The following PPM1A variants were observed in gnomAD, a reference collection of about 807,000 sequenced individuals.
The protein encoded by PPM1A is protein phosphatase, Mg2+/Mn2+ dependent 1A.
PPM1A carries 7 observed loss-of-function variants against 35.0 expected under a neutral mutation model. That is an observed-to-expected ratio of 0.20 (90% CI 0.11 to 0.38). The LOEUF (loss-of-function observed/expected upper bound fraction) is 0.38, where lower values mean the gene tolerates loss of function less well. PPM1A is among the 10% of genes least tolerant of loss of function. The pLI is 1.00. For missense variants in PPM1A, 239 were observed against 467.8 expected, an observed-to-expected ratio of 0.51 and a Z score of 4.51; for synonymous variants, 153 against 167.3, an observed-to-expected ratio of 0.91 and a Z score of 0.66.
At chr14:60,258,036 A>T (rs1883337465) in intron 1 of PPM1A, among the ~76,000 whole-genome samples, 1 of 152,094 alleles carries the variant, frequency 6.6e-6, no homozygotes. Context: ...TTTTGTGACC[A>T]ACCCACAGCT....
chr14:60,262,520 C>T (rs974593076), intron 1 of PPM1A, among the ~76,000 whole-genome samples: 1 of 152,026 alleles, frequency 6.6e-6, no homozygotes, highest in African/African-American at 2.4e-5. Flanking sequence ...CTTGTCTCTA[C>T]AAAAAAATTT....
upstream of PPM1A, among the ~76,000 whole-genome samples, chr14:60,247,520 C>T (rs1013110376): frequency 1.3e-5 from 2 of 150,176 alleles, no homozygotes; most frequent in Non-Finnish European, 3.0e-5. Context: ...GTCCCAGCTA[C>T]TCGGGAGGCT....
rs1392455266 is a variant in PPM1A, at chr14:60,289,583, A to G, written c.953-223A>G. 6.6e-6 allele frequency among the ~76,000 whole-genome samples: 1 copy of G among 151,894 alleles called. No individual in the cohort carries two copies. Among genetic ancestry groups the G allele is most frequent in the African/African-American group, 2.4e-5 (1 of 41,350 alleles). On this transcript the variant is annotated intron_variant, in intron 3 of 5. Transcript: ENST00000395076. This position sits in a 1 kb window ranked among gnomAD's most constrained non-coding sequence, Gnocchi z 4.1. ...GATTTAACATGAAATATTTTTTCAC[A>G]TTTTAATTTTGATTTGAAGTTAATC...
rs17097280 is a variant in PPM1A at position 60,283,999 on chromosome 14, A to T, written c.834+462A>T. 6.6e-6 allele frequency among the ~76,000 whole-genome samples: 1 copy of T among 152,226 alleles called. No individual in the cohort carries two copies. The highest frequency in any genetic ancestry group is 2.1e-4 in the South Asian group (1 of 4,830). The stretch of plus-strand genomic sequence containing the variant: ...AGGAATGTAGTGATCATTAGACGTG[A>T]TGTAATAGAAATAGCCTTGTACATG... On this transcript the variant is annotated intron_variant, in intron 2 of 5. Transcript: ENST00000395076. This position sits in a 1 kb window ranked among gnomAD's most constrained non-coding sequence, Gnocchi z 6.3.
upstream of PPM1A, chr14:60,246,037 T>A (rs368341783): frequency 2.6e-4 from 417 of 1,577,662 alleles, 1 homozygote; most frequent in Non-Finnish European, 3.5e-4. Flanking sequence ...GAGAAAAAAA[T>A]ATGAAACAGG....
intron 1 of PPM1A, among the ~76,000 whole-genome samples, chr14:60,272,690 CAAAAAAAAAAAAAA>C (rs34892158): frequency 1.0e-4 from 7 of 68,598 alleles, no homozygotes; most frequent in African/African-American, 2.7e-4. Flanking sequence ...GACTCTGTCT[CAAAAAAAAAAAAAA>C]AAAAAAAAAA....
intron 3 of PPM1A, chr14:60,287,685 C>T (rs1461026879): frequency 4.1e-6 from 4 of 985,182 alleles, no homozygotes; most frequent in East Asian, 2.3e-4. Context: ...AAAGGCCTTC[C>T]AGCTCTCCTT....
chr14:60,265,068 CTCT>C (rs1406630140), intron 1 of PPM1A, among the ~76,000 whole-genome samples: 1 of 152,036 alleles, frequency 6.6e-6, no homozygotes, highest in Non-Finnish European at 1.5e-5. Context: ...TTCTTTTTCA[CTCT>C]TCTTATCCAG....
At chr14:60,272,145 T>G (rs1211571990) in intron 1 of PPM1A, among the ~76,000 whole-genome samples, 1 of 152,276 alleles carries the variant, frequency 6.6e-6, no homozygotes, top group East Asian at 1.9e-4. Context: ...CTAAGTTCTT[T>G]TTACTTTATA....
intron 1 of PPM1A, among the ~76,000 whole-genome samples, chr14:60,270,247 TC>T (rs1884923170): frequency 6.6e-6 from 1 of 152,198 alleles, no homozygotes; most frequent in Admixed American, 6.5e-5. Context: ...TGATATTTTT[TC>T]TCTGAAATAT....
intron 1 of PPM1A, among the ~76,000 whole-genome samples, chr14:60,276,218 C>T (rs999817662): frequency 3.3e-5 from 5 of 152,206 alleles, no homozygotes; most frequent in African/African-American, 9.7e-5. Context: ...AGAGTTTACG[C>T]TCTACATCCC....
chr14:60,289,148 A>C lies in PPM1A; in HGVS notation c.953-658A>C, dbSNP rs888729676. On this transcript the variant is annotated intron_variant, in intron 3 of 5. Coordinates refer to ENST00000395076, the MANE Select transcript of PPM1A (RefSeq NM_021003.5). This position sits in a 1 kb window ranked among gnomAD's most constrained non-coding sequence, Gnocchi z 4.1. ...TTTTAAACATTTTATAAGGAAATTTAGACCTTTTCTATTCAAGGCTTTGTT... is the reference window on the plus strand; with the variant it reads ...TTTTAAACATTTTATAAGGAAATTTCGACCTTTTCTATTCAAGGCTTTGTT... Among the ~76,000 whole-genome samples, 20 of 152,268 alleles carry C rather than the reference A, an allele frequency of 1.3e-4. No homozygotes were observed. The highest frequency in any genetic ancestry group is 4.3e-4 in the African/African-American group (18 of 41,580).
chr14:60,255,524 T>A (rs1452415235), intron 1 of PPM1A, among the ~76,000 whole-genome samples: 1 of 152,216 alleles, frequency 6.6e-6, no homozygotes, highest in Non-Finnish European at 1.5e-5. Flanking sequence ...TGCATTCAGT[T>A]AATTCTAAAG....
chr14:60,291,230 G>T (rs747112418), intron 4 of PPM1A, among the ~76,000 whole-genome samples, 167 bp from the exon 5 acceptor site: 1 of 151,844 alleles, frequency 6.6e-6, no homozygotes, highest in Non-Finnish European at 1.5e-5. Context: ...TAACATAGGA[G>T]CCCAAATATC....
intron 1 of PPM1A, among the ~76,000 whole-genome samples, chr14:60,250,780 G>A (rs921523967): frequency 6.6e-6 from 1 of 152,200 alleles, no homozygotes; most frequent in South Asian, 2.1e-4. Flanking sequence ...CTTTACATGT[G>A]TTGCGCTCCG....
intron 1 of PPM1A, among the ~76,000 whole-genome samples, chr14:60,270,615 G>A (rs1884965384): frequency 1.3e-5 from 2 of 152,066 alleles, no homozygotes; most frequent in Non-Finnish European, 2.9e-5. Flanking sequence ...AATTATTTTA[G>A]TTATCATATT....
intron 1 of PPM1A, among the ~76,000 whole-genome samples, chr14:60,274,304 A>G (rs1428936766): frequency 6.6e-6 from 1 of 152,152 alleles, no homozygotes; most frequent in African/African-American, 2.4e-5. Context: ...AGTGACTTGG[A>G]GGAACTTGAT....
At chr14:60,288,314 A>T (rs1203794701) in intron 3 of PPM1A, 2 of 963,354 alleles carry the variant, frequency 2.1e-6, no homozygotes, top group African/African-American at 3.5e-5. Flanking sequence ...TAGACCTGAA[A>T]CTATTGATTC....
intron 1 of PPM1A, among the ~76,000 whole-genome samples, chr14:60,279,479 T>C (rs1886136849): frequency 6.6e-6 from 1 of 152,200 alleles, no homozygotes; most frequent in African/African-American, 2.4e-5. Context: ...GTGTAACCCA[T>C]ACTGATTAAA....
Sources: allele counts gnomAD v4.1 joint callset (sites outside exome capture counted in the v4.1 genomes callset), GRCh38; gene constraint gnomAD v4.1.1; non-coding constraint Gnocchi (gnomAD v3.1); transcripts MANE v1.5; gene names NCBI Gene and HGNC (gene_info 2026-07-23, HGNC 2026-07-21).